The following BTG4 variants were observed in gnomAD, a reference collection of about 807,000 sequenced individuals.
BTG4 encodes BTG anti-proliferation factor 4.
BTG4 carries 10 observed loss-of-function variants against 19.3 expected under a neutral mutation model. The observed-to-expected ratio is 0.52, with a 90% confidence interval of 0.32 to 0.88. BTG4 has a LOEUF of 0.88. Ranked by LOEUF, BTG4 falls within the 40% of genes least tolerant of loss-of-function variation. The pLI is 0.04. For synonymous variants in BTG4, 91 were observed against 95.7 expected (o/e 0.95, Z 0.29); for missense variants, 238 against 281.9 (o/e 0.84, Z 1.11).
chr11:111,506,259 AAATATGGTGTATATAT>A (rs1449594300), intron 1 of BTG4, among the ~76,000 whole-genome samples: 1 of 152,158 alleles, frequency 6.6e-6, no homozygotes, highest in Non-Finnish European at 1.5e-5. Flanking sequence ...TGGATAAAGA[AAATATGGTGTATATAT>A]ACACAATGGA....
At chr11:111,396,424 A>G in the BTG4 span, among the ~76,000 whole-genome samples, 1 of 152,150 alleles carries the variant, frequency 6.6e-6, no homozygotes, top group African/African-American at 2.4e-5. Context: ...ACATGCCCCC[A>G]TTCTGCTGCA....
chr11:111,494,565 T>C (rs916115824), downstream of BTG4, among the ~76,000 whole-genome samples: 2 of 152,164 alleles, frequency 1.3e-5, no homozygotes, highest in Admixed American at 1.3e-4. Flanking sequence ...TGCTATCAAA[T>C]TTGTAGAGAC....
chr11:111,498,275 C>T (rs1013772050), intron 2 of BTG4, 140 bp from the exon 3 acceptor site: 3 of 899,942 alleles, frequency 3.3e-6, no homozygotes, highest in African/African-American at 3.3e-5. Flanking sequence ...CTCCACCCTC[C>T]ACTCTTACAA....
chr11:111,426,557 G>C, the BTG4 span, among the ~76,000 whole-genome samples: 1 of 152,118 alleles, frequency 6.6e-6, no homozygotes, highest in African/African-American at 2.4e-5. Flanking sequence ...TATAGTTCTA[G>C]CACACCTTGG....
Position 111,498,604 on chromosome 11 carries a change from C to A in BTG4, c.173G>T (p.Arg58Met). 1 of 1,611,966 alleles carries A rather than the reference C, an allele frequency of 6.2e-7. No individual in the cohort carries two copies. The highest frequency in any genetic ancestry group is 1.1e-5 in the South Asian group (1 of 90,190). ...TGCCATCCCACATACTAGCTCTCAC[C>A]TGAAGGCTTGCCCTTTAGAAGGGCA... is the stretch of plus-strand genomic sequence containing the variant. Reference protein sequence around the residue: ...SDCPSKGQAFRCIRINNNQNK... With the variant: ...SDCPSKGQAFMCIRINNNQNK... The change falls in exon 2 of 5, where the codon AGG (arginine) becomes ATG (methionine). Residue 58 changes from arginine (R) to methionine (M), a missense_variant and splice_region_variant. Coordinates refer to ENST00000692032, the MANE Select transcript of BTG4 (RefSeq NM_001367975.1).
At chr11:111,493,922 G>A (rs528815877), downstream of BTG4, among the ~76,000 whole-genome samples, 7 of 152,246 alleles carry the variant, frequency 4.6e-5, no homozygotes, top group East Asian at 9.6e-4. Context: ...CTGGCATGTC[G>A]TACCCAAGTT....
the BTG4 span, among the ~76,000 whole-genome samples, chr11:111,388,076 GA>G: frequency 6.6e-6 from 1 of 152,152 alleles, no homozygotes; most frequent in South Asian, 2.1e-4. Context: ...TAATGTTAGG[GA>G]TAACAAGGTA....
At chr11:111,488,758 T>C (rs1865217207) in intron 5 of BTG4, among the ~76,000 whole-genome samples, 1 of 152,170 alleles carries the variant, frequency 6.6e-6, no homozygotes, top group Admixed American at 6.5e-5. Flanking sequence ...GGAAAAAAAT[T>C]CAATTTTTTT....
intron 1 of BTG4, among the ~76,000 whole-genome samples, chr11:111,502,772 A>C (rs1866182751): frequency 6.6e-6 from 1 of 152,196 alleles, no homozygotes; most frequent in Non-Finnish European, 1.5e-5. Context: ...GGTGAAGTAC[A>C]TTAATGAGGT....
chr11:111,408,090 T>C, the BTG4 span, among the ~76,000 whole-genome samples: 7 of 152,238 alleles, frequency 4.6e-5, no homozygotes, highest in African/African-American at 1.7e-4. Flanking sequence ...AGCCAGGCCC[T>C]TGGAACATGT....
At chr11:111,447,551 T>G in the BTG4 span, among the ~76,000 whole-genome samples, 5 of 152,086 alleles carry the variant, frequency 3.3e-5, no homozygotes, top group Admixed American at 2.0e-4. Context: ...TCCCTTGCCC[T>G]CACTAAGCCC....
chr11:111,433,527 T>G, the BTG4 span, among the ~76,000 whole-genome samples: 1 of 152,066 alleles, frequency 6.6e-6, no homozygotes, highest in East Asian at 1.9e-4. Context: ...CCAAAAGCAA[T>G]GACAACAAAA....
At chr11:111,484,485 G>A (rs1864933745) in intron 5 of BTG4, among the ~76,000 whole-genome samples, 1 of 152,048 alleles carries the variant, frequency 6.6e-6, no homozygotes, top group African/African-American at 2.4e-5. Flanking sequence ...GTGAAAGCAG[G>A]GGGTAGGGAG....
the BTG4 span, among the ~76,000 whole-genome samples, chr11:111,459,344 C>A: frequency 6.6e-6 from 1 of 152,262 alleles, no homozygotes; most frequent in Non-Finnish European, 1.5e-5. Flanking sequence ...GGCAGGTGCT[C>A]AAGAACACAA....
intron 5 of BTG4, among the ~76,000 whole-genome samples, chr11:111,487,862 A>G (rs1369240453): frequency 1.3e-5 from 2 of 152,162 alleles, no homozygotes; most frequent in South Asian, 2.1e-4. Context: ...CCCATTTACA[A>G]TAGCTACAAA....
intron 5 of BTG4, among the ~76,000 whole-genome samples, chr11:111,477,237 A>G (rs1220912970): frequency 6.6e-6 from 1 of 152,138 alleles, no homozygotes; most frequent in Non-Finnish European, 1.5e-5. Context: ...GACAGGGATC[A>G]TGTTCTCCTT....
intron 1 of BTG4, among the ~76,000 whole-genome samples, chr11:111,506,241 C>T (rs1357320768): frequency 6.6e-6 from 1 of 152,032 alleles, no homozygotes; most frequent in African/African-American, 2.4e-5. Context: ...TGTCTGCCAA[C>T]TGTTGACTGG....
chr11:111,401,053 T>TAAAAAAAAAAAAAA, the BTG4 span: 1 of 82,152 alleles, frequency 1.2e-5, no homozygotes, highest in African/African-American at 5.6e-5. Context: ...ACCTGGAGCA[T>TAAAAAAAAAAAAAA]AAAAAAAAAA....
At chr11:111,403,076 T>C in the BTG4 span, among the ~76,000 whole-genome samples, 107 of 152,272 alleles carry the variant, frequency 7.0e-4, no homozygotes, top group African/African-American at 2.5e-3. Context: ...AGACTTCTCT[T>C]ATGTGGGCCC....
Sources: allele counts gnomAD v4.1 joint callset (sites outside exome capture counted in the v4.1 genomes callset), GRCh38; gene constraint gnomAD v4.1.1; transcripts MANE v1.5; gene names NCBI Gene and HGNC (gene_info 2026-07-23, HGNC 2026-07-21).